KIAA1755: variants seen among roughly 807,000 people sequenced by gnomAD.
The protein encoded by KIAA1755 is KIAA1755.
In KIAA1755, 68 loss-of-function variants were observed where a neutral mutation model predicts 91.7. That is an observed-to-expected ratio of 0.74 (90% CI 0.61 to 0.91). The LOEUF (loss-of-function observed/expected upper bound fraction) is 0.91, where lower values mean the gene tolerates loss of function less well. KIAA1755 is among the 40% of genes least tolerant of loss of function. KIAA1755 has a pLI of 0.00. For missense variants in KIAA1755, 1,535 were observed against 1,494.4 expected (o/e 1.03, Z -0.45); for synonymous variants, 610 against 604.6 (o/e 1.01, Z -0.13).
chr20:38,225,577 G>A (rs2075740594), intron 8 of KIAA1755, 88 bp downstream of exon 8: 3 of 861,172 alleles, frequency 3.5e-6, no homozygotes, highest in African/African-American at 1.7e-5. Flanking sequence ...TTTTAGCATA[G>A]CAGGGTTGAT....
At chr20:38,260,128 C>T in intron 1 of KIAA1755, 4 of 1,176,340 alleles carry the variant, frequency 3.4e-6, no homozygotes, top group Non-Finnish European at 4.4e-6. Flanking sequence ...TCCAAACTCC[C>T]TGCCGGGACA....
At position 38,240,565 on chromosome 20, in the gene KIAA1755, G is replaced by A; in HGVS notation, c.1549+17C>T. 1 of 1,484,172 alleles carries A rather than the reference G, an allele frequency of 6.7e-7. No homozygotes were observed. Among genetic ancestry groups the A allele is most frequent in the Non-Finnish European group, 9.0e-7 (1 of 1,116,620 alleles). The allele number at this position is 1,484,172 out of a possible 1,614,324, so 91.9% of individuals were successfully genotyped here. ...GACAATAACCTCCTTGTACAGCTGAGCATGTGGGCATCTTACCTTTCCCCA... is the reference window on the plus strand; with the variant it reads ...GACAATAACCTCCTTGTACAGCTGAACATGTGGGCATCTTACCTTTCCCCA... On this transcript the variant is annotated intron_variant, in intron 3 of 13. Transcript: ENST00000279024.
At chr20:38,219,606 C>A in intron 11 of KIAA1755, 24 bp downstream of exon 11, 1 of 1,613,294 alleles carries the variant, frequency 6.2e-7, no homozygotes, top group Non-Finnish European at 8.5e-7. Context: ...AACCCCCACA[C>A]CCCAAGCCAG....
chr20:38,240,795 T>G lies in KIAA1755; in HGVS notation c.1336A>C (p.Arg446=). The G allele has an allele frequency of 6.2e-7, 1 of 1,610,790 alleles. No homozygotes were observed. The highest frequency in any genetic ancestry group is 8.5e-7 in the Non-Finnish European group (1 of 1,178,472). Reference sequence around the variant, plus strand: ...ATGGGCTTGGGAAGTCTCCCATTTCTCTCTTTGGTCTTCACCTCTATCTTT... The same window carrying G: ...ATGGGCTTGGGAAGTCTCCCATTTCGCTCTTTGGTCTTCACCTCTATCTTT... ...ETKIEVKTKE[R]NGRLPKPMPC... Residue 446 remains arginine, a synonymous_variant, in exon 3 of 14, where the codon AGA becomes CGA. Transcript: ENST00000279024.
At chr20:38,229,270 G>A (rs1369699696) in intron 5 of KIAA1755, among the ~76,000 whole-genome samples, 2 of 152,168 alleles carry the variant, frequency 1.3e-5, no homozygotes, top group East Asian at 1.9e-4. Context: ...TGATAGTACC[G>A]GCCTTATGGG....
chr20:38,240,845 G>A lies in KIAA1755; in HGVS notation c.1286C>T (p.Ser429Phe). 6.2e-7 allele frequency: 1 copy of A among 1,614,198 alleles called. No individual in the cohort carries two copies. The highest frequency in any genetic ancestry group is 8.5e-7 in the Non-Finnish European group (1 of 1,180,042). ...QASSPRLSPA[S>F]PAAAASETKI... The stretch of plus-strand genomic sequence containing the variant: ...TGTTTCAGAGGCTGCAGCTGCAGGA[G>A]AAGCTGGGGACAGGCGGGGAGAGGA... Residue 429 changes from serine to phenylalanine, a missense_variant, in exon 3 of 14, where the codon TCT becomes TTT. Coordinates refer to ENST00000279024, the MANE Select transcript of KIAA1755 (RefSeq NM_001029864.2).
chr20:38,243,031 G>A (rs2076095675), intron 2 of KIAA1755, among the ~76,000 whole-genome samples: 1 of 152,198 alleles, frequency 6.6e-6, no homozygotes, highest in Admixed American at 6.5e-5. Flanking sequence ...TGGGCTGTGC[G>A]GGACCAGTGT....
rs6127461 is a variant in KIAA1755, at chr20:38,212,056, G to C, written c.*986C>G. 61,554 of 152,106 alleles carry C rather than the reference G, an allele frequency of 0.4. 13,109 individuals are homozygous for C. The highest frequency in any genetic ancestry group is 0.52 in the East Asian group (2,711 of 5,172). The allele number at this position is 152,106 out of a possible 1,614,324, so 9.4% of individuals were successfully genotyped here. A position where few individuals can be genotyped will look rare whatever the true frequency, so the allele number is the denominator to read the frequency against. On this transcript the variant is annotated 3_prime_UTR_variant, in exon 14 of 14. Coordinates refer to ENST00000279024, the MANE Select transcript of KIAA1755 (RefSeq NM_001029864.2). ...GAGGGTGGGGCACAGTGGCTCATAC[G>C]TATAATCCCAGCACTTTGGGAGGCT...
chr20:38,251,749 A>G (rs1197541815), intron 1 of KIAA1755, among the ~76,000 whole-genome samples: 3 of 152,066 alleles, frequency 2.0e-5, no homozygotes, highest in African/African-American at 7.2e-5. Flanking sequence ...TAGTTTTAGT[A>G]GAGATGCAGT....
intron 6 of KIAA1755, 25 bp downstream of exon 6, chr20:38,228,122 C>G: frequency 6.4e-7 from 1 of 1,568,722 alleles, no homozygotes; most frequent in Non-Finnish European, 8.7e-7. Flanking sequence ...ACTTACTAGG[C>G]TAAGGCTCTC....
At position 38,212,946 on chromosome 20, in the gene KIAA1755, C is replaced by T. The variant is rs994661193; in HGVS notation, c.*96G>A. ...ATGTAAAACCAGTGCTCCATGGTGA[C>T]GTCTCACTGGGACTGACCAGAGCTC... On this transcript the variant is annotated 3_prime_UTR_variant, in exon 14 of 14. Transcript: ENST00000279024. 9 of 882,890 alleles carry T rather than the reference C, an allele frequency of 1.0e-5. No homozygotes were observed. Among genetic ancestry groups the T allele is most frequent in the South Asian group, 9.7e-5 (5 of 51,388 alleles). The allele number at this position is 882,890 out of a possible 1,614,324, so 54.7% of individuals were successfully genotyped here.
Position 38,241,390 on chromosome 20 carries a change from T to A in KIAA1755, c.741A>T (p.Gly247=), listed in dbSNP as rs761513889. The change falls in exon 3 of 14, where the codon GGA becomes GGT. Residue 247 remains glycine, a synonymous_variant. Coordinates refer to ENST00000279024, the MANE Select transcript of KIAA1755 (RefSeq NM_001029864.2). ...ACCGGGCTTGCTCCACCTTGATGAG[T>A]CCTGGATACTTGCTCCCATATGTCC... The part of the protein sequence containing the change: ...KGRTYGSKYP[G]LIKVEQARCG... 2.4e-5 allele frequency: 38 copies of A among 1,614,022 alleles called. No individual in the cohort carries two copies. Among genetic ancestry groups the A allele is most frequent in the Non-Finnish European group, 3.1e-5 (36 of 1,180,022 alleles).
chr20:38,218,458 G>T, intron 11 of KIAA1755, 92 bp from the exon 12 acceptor site: 1 of 1,526,242 alleles, frequency 6.6e-7, no homozygotes, highest in Non-Finnish European at 8.9e-7. Flanking sequence ...GAGGTCTTCT[G>T]TCTTCACTCA....
At chr20:38,227,543 C>T (rs1364443342) in intron 6 of KIAA1755, among the ~76,000 whole-genome samples, 2 of 152,218 alleles carry the variant, frequency 1.3e-5, no homozygotes, top group Non-Finnish European at 2.9e-5. Context: ...GATGCAGAAC[C>T]TCCATTGACT....
At chr20:38,214,286 G>A (rs968621784) in intron 13 of KIAA1755, among the ~76,000 whole-genome samples, 1 of 152,162 alleles carries the variant, frequency 6.6e-6, no homozygotes, top group Non-Finnish European at 1.5e-5. Context: ...CGGGCCAGCA[G>A]GGACTTAGCC....
At chr20:38,255,874 T>C (rs1418317941) in intron 1 of KIAA1755, among the ~76,000 whole-genome samples, 1 of 152,094 alleles carries the variant, frequency 6.6e-6, no homozygotes, top group Non-Finnish European at 1.5e-5. Context: ...AGTTTTGTAT[T>C]TGTTCCTTTC....
Position 38,213,168 on chromosome 20 carries a change from GA to G in KIAA1755, c.3476del (p.Phe1159SerfsTer44). ...AREHLLATTF[F>X]RQQPPRQSQV... Reference sequence around the variant, plus strand: ...GGCTCTGCCTGGGGGGCTGCTGCCGGAAGAAGGTGGTGGCAAGCAAATGCTC... The same window carrying G: ...GGCTCTGCCTGGGGGGCTGCTGCCGGAGAAGGTGGTGGCAAGCAAATGCTC... On this transcript the variant is annotated frameshift_variant, in exon 14 of 14. Transcript: ENST00000279024. LOFTEE classifies it high-confidence loss of function. 2.5e-6 allele frequency: 4 copies of G among 1,613,788 alleles called. No homozygotes were observed. The highest frequency in any genetic ancestry group is 3.4e-6 in the Non-Finnish European group (4 of 1,179,956).
chr20:38,223,831 C>T (rs1255639290), intron 8 of KIAA1755, among the ~76,000 whole-genome samples, 195 bp from the exon 9 acceptor site: 1 of 152,130 alleles, frequency 6.6e-6, no homozygotes, highest in East Asian at 1.9e-4. Context: ...TCCTCTGGGG[C>T]GAGGCATGGT....
intron 8 of KIAA1755, 156 bp downstream of exon 8, chr20:38,225,509 C>T: frequency 1.5e-6 from 1 of 649,824 alleles, no homozygotes; most frequent in Non-Finnish European, 2.8e-6. Flanking sequence ...AGAGCCTGAG[C>T]TCTTAATCAT....
Sources: allele counts gnomAD v4.1 joint callset (sites outside exome capture counted in the v4.1 genomes callset), GRCh38; gene constraint gnomAD v4.1.1; transcripts MANE v1.5; gene names NCBI Gene and HGNC (gene_info 2026-07-23, HGNC 2026-07-21).